Variants in SESN1 observed in about 807,000 individuals in gnomAD.
SESN1 encodes sestrin-1.
In SESN1, 30 loss-of-function variants were observed where a neutral mutation model predicts 59.3. The observed-to-expected ratio is 0.51, with a 90% confidence interval of 0.38 to 0.69. The LOEUF is 0.69. Ranked by LOEUF, SESN1 falls within the 30% of genes least tolerant of loss-of-function variation. The pLI is 0.00. For synonymous variants in SESN1, 197 were observed against 219.9 expected, an observed-to-expected ratio of 0.90 and a Z score of 0.92; for missense variants, 566 against 673.0, an observed-to-expected ratio of 0.84 and a Z score of 1.76.
chr6:108,990,889 T>C (rs1188530531), intron 7 of SESN1, 54 bp from the exon 8 acceptor site: 18 of 1,461,512 alleles, frequency 1.2e-5, no homozygotes, highest in Non-Finnish European at 1.5e-5. Context: ...TACAGTTCTA[T>C]ATCTATAGCT....
chr6:109,042,335 A>C (rs1300257869), intron 1 of SESN1, among the ~76,000 whole-genome samples: 1 of 152,004 alleles, frequency 6.6e-6, no homozygotes, highest in Non-Finnish European at 1.5e-5. Flanking sequence ...TCAAGCAGAC[A>C]GAAGAAAATA....
At chr6:109,044,558 A>G (rs1780394266) in intron 1 of SESN1, among the ~76,000 whole-genome samples, 1 of 152,080 alleles carries the variant, frequency 6.6e-6, no homozygotes, top group East Asian at 1.9e-4. Flanking sequence ...AAGAAAACAT[A>G]AGAGAATATC....
At chr6:109,014,333 G>A (rs1313929150) in intron 1 of SESN1, among the ~76,000 whole-genome samples, 1 of 152,150 alleles carries the variant, frequency 6.6e-6, no homozygotes, top group Non-Finnish European at 1.5e-5. Flanking sequence ...CACTTTACAT[G>A]TATAAAGCAG....
chr6:109,087,641 C>CA (rs1284781464), intron 1 of SESN1, among the ~76,000 whole-genome samples: 1 of 152,068 alleles, frequency 6.6e-6, no homozygotes, highest in Non-Finnish European at 1.5e-5. Context: ...ATCTAAGAGT[C>CA]AGCAGTGAAT....
chr6:109,041,846 C>T (rs2114417247), intron 1 of SESN1, among the ~76,000 whole-genome samples: 1 of 152,176 alleles, frequency 6.6e-6, no homozygotes, highest in South Asian at 2.1e-4. Flanking sequence ...TATAAACCAA[C>T]AGGATGTAAT....
chr6:109,058,940 AG>A (rs894609892), intron 1 of SESN1, among the ~76,000 whole-genome samples: 21 of 82,994 alleles, frequency 2.5e-4, no homozygotes, highest in East Asian at 9.9e-4. Flanking sequence ...GTGGGTGGGT[AG>A]GGGGGTACCT....
At chr6:109,068,819 C>G (rs1261524685) in intron 1 of SESN1, among the ~76,000 whole-genome samples, 1 of 151,054 alleles carries the variant, frequency 6.6e-6, no homozygotes, top group Non-Finnish European at 1.5e-5. Flanking sequence ...CTCCTGGGTT[C>G]AAGCAATTCT....
At chr6:109,019,632 G>A (rs1779978928) in intron 1 of SESN1, among the ~76,000 whole-genome samples, 1 of 152,056 alleles carries the variant, frequency 6.6e-6, no homozygotes, top group African/African-American at 2.4e-5. Flanking sequence ...AGCAAGAATA[G>A]TCTTTATCCT....
intron 1 of SESN1, among the ~76,000 whole-genome samples, chr6:109,073,412 C>T (rs1470210908): frequency 1.3e-5 from 2 of 152,096 alleles, no homozygotes; most frequent in Admixed American, 6.5e-5. Context: ...CAGTTAAGCT[C>T]GGCTATTTAA....
chr6:109,034,824 C>A (rs967413609), intron 1 of SESN1, among the ~76,000 whole-genome samples: 1 of 152,182 alleles, frequency 6.6e-6, no homozygotes, highest in Admixed American at 6.5e-5. Flanking sequence ...GCTGTTGGAA[C>A]AACAGAGAAG....
At chr6:109,086,314 T>C (rs1408944973) in intron 1 of SESN1, among the ~76,000 whole-genome samples, 1 of 152,154 alleles carries the variant, frequency 6.6e-6, no homozygotes, top group African/African-American at 2.4e-5. Flanking sequence ...ATCATGCCAC[T>C]GCACTCCAGC....
At chr6:108,993,437 A>G (rs931413258) in intron 6 of SESN1, among the ~76,000 whole-genome samples, 2 of 152,198 alleles carry the variant, frequency 1.3e-5, no homozygotes, top group East Asian at 1.9e-4. Context: ...TAAGTGTATC[A>G]TTAGATGACA....
At chr6:109,070,160 A>C (rs1041633233) in intron 1 of SESN1, among the ~76,000 whole-genome samples, 3 of 152,144 alleles carry the variant, frequency 2.0e-5, no homozygotes, top group Admixed American at 2.0e-4. Flanking sequence ...AGGAAGTGCA[A>C]AAGAGCATTA....
chr6:109,013,285 G>A (rs1157336939), intron 1 of SESN1, among the ~76,000 whole-genome samples: 1 of 152,288 alleles, frequency 6.6e-6, no homozygotes, highest in East Asian at 1.9e-4. Context: ...AAGGAGATGA[G>A]TTAGGCTGCT....
chr6:109,009,315 C>G, intron 1 of SESN1: 3 of 1,444,180 alleles, frequency 2.1e-6, no homozygotes, highest in Non-Finnish European at 2.7e-6. Flanking sequence ...GGGTGCCCAC[C>G]CGCCCAGGTA....
At chr6:109,025,951 C>CT (rs560992294) in intron 1 of SESN1, among the ~76,000 whole-genome samples, 13,982 of 145,538 alleles carry the variant, frequency 0.096, 834 homozygotes, top group Middle Eastern at 0.2. Context: ...CACCAATACT[C>CT]TTTTTTTTTT....
intron 1 of SESN1, among the ~76,000 whole-genome samples, chr6:109,069,026 T>C (rs573966975): frequency 8.5e-5 from 13 of 152,106 alleles, no homozygotes; most frequent in African/African-American, 2.7e-4. Flanking sequence ...CCAGCCGAAA[T>C]TTCAAACTCT....
chr6:108,992,106 TATTA>T (rs946904087), intron 7 of SESN1, among the ~76,000 whole-genome samples: 3 of 152,096 alleles, frequency 2.0e-5, no homozygotes, highest in African/African-American at 7.2e-5. Context: ...TTAGCTTATT[TATTA>T]TTTTTTGAGA....
At chr6:109,037,426 C>T (rs968777968) in intron 1 of SESN1, among the ~76,000 whole-genome samples, 10 of 152,104 alleles carry the variant, frequency 6.6e-5, no homozygotes, top group African/African-American at 2.4e-4. Context: ...TTAAAGCAAC[C>T]TTAATTCACG....
Sources: allele counts gnomAD v4.1 joint callset (sites outside exome capture counted in the v4.1 genomes callset), GRCh38; gene constraint gnomAD v4.1.1; transcripts MANE v1.5; gene names NCBI Gene and HGNC (gene_info 2026-07-23, HGNC 2026-07-21).